Variants in INPP4B observed in about 807,000 individuals in gnomAD.
INPP4B encodes the protein inositol polyphosphate 4-phosphatase type II.
In INPP4B, 55 loss-of-function variants were observed where a neutral mutation model predicts 122.5. That is an observed-to-expected ratio of 0.45 (90% confidence interval 0.36 to 0.56). The LOEUF (loss-of-function observed/expected upper bound fraction) is 0.56, where lower values mean the gene tolerates loss of function less well. Among genes scored for constraint, INPP4B ranks in the 20% least tolerant of loss-of-function variants. The probability of loss-of-function intolerance (pLI) is 0.00; values close to 1 mark genes in which losing one functional copy is unlikely to be tolerated. For synonymous variants in INPP4B, 403 were observed against 388.7 expected (o/e 1.04, Z -0.43); for missense variants, 1,000 against 1,097.7 (o/e 0.91, Z 1.26).
rs1738755658 is a variant in INPP4B, at chr4:142,596,595, A to G, written c.-191+129244T>C. 2.0e-5 allele frequency among the ~76,000 whole-genome samples: 3 copies of G among 152,248 alleles called. No individual in the cohort carries two copies. In the South Asian group the frequency reaches 6.2e-4, roughly 31 times the overall value. ...GTTTTGGTCAATTTGTTATATAATA[A>G]GCGATAAACAATGTTTAAAATTGCA... On this transcript the variant is annotated intron_variant, in intron 2 of 25. Coordinates refer to ENST00000262992, the MANE Select transcript of INPP4B (RefSeq NM_001101669.3).
At chr4:142,235,181 A>G (rs2149916510) in intron 12 of INPP4B, among the ~76,000 whole-genome samples, 1 of 152,176 alleles carries the variant, frequency 6.6e-6, no homozygotes, top group Non-Finnish European at 1.5e-5. Flanking sequence ...CTCATCCTTT[A>G]AGAGGTTTCT....
chr4:142,269,514 C>G (rs1165199245), intron 10 of INPP4B, among the ~76,000 whole-genome samples: 1 of 152,030 alleles, frequency 6.6e-6, no homozygotes, highest in East Asian at 1.9e-4. Context: ...CTAAAAGATT[C>G]AAACTCATAG....
At chr4:142,366,484 A>C (rs1204974494) in intron 7 of INPP4B, among the ~76,000 whole-genome samples, 2 of 152,196 alleles carry the variant, frequency 1.3e-5, no homozygotes, top group African/African-American at 4.8e-5. Flanking sequence ...AGAATAACTA[A>C]GGTAAATCAC....
intron 7 of INPP4B, among the ~76,000 whole-genome samples, chr4:142,382,778 G>A (rs182948538): frequency 2.2e-4 from 33 of 150,184 alleles, no homozygotes; most frequent in African/African-American, 6.8e-4. Context: ...GGTGTCTTGG[G>A]CTGTCTAGAT....
intron 2 of INPP4B, among the ~76,000 whole-genome samples, chr4:142,568,267 G>A (rs1416436761): frequency 6.6e-6 from 1 of 151,646 alleles, no homozygotes; most frequent in African/African-American, 2.4e-5. Context: ...TTTTCAAGGT[G>A]TTTCCCAACT....
At chr4:142,078,320 C>T (rs1771960934) in intron 25 of INPP4B, among the ~76,000 whole-genome samples, 1 of 151,956 alleles carries the variant, frequency 6.6e-6, no homozygotes. Context: ...AAGACTCTTA[C>T]TTTCATATTC....
intron 2 of INPP4B, among the ~76,000 whole-genome samples, chr4:142,475,284 C>CAAAA (rs143134666): frequency 1.3e-5 from 2 of 150,434 alleles, no homozygotes; most frequent in Non-Finnish European, 3.0e-5. Flanking sequence ...AGCAAATAAA[C>CAAAA]AAAAAACCCC....
chr4:142,095,899 C>G (rs1781598514), intron 23 of INPP4B, among the ~76,000 whole-genome samples: 1 of 152,146 alleles, frequency 6.6e-6, no homozygotes, highest in African/African-American at 2.4e-5. Flanking sequence ...AACCATCTCT[C>G]TAATATTCAT....
chr4:142,785,428 T>A (rs1210260618), intron 1 of INPP4B, among the ~76,000 whole-genome samples: 2 of 151,850 alleles, frequency 1.3e-5, no homozygotes, highest in Admixed American at 1.3e-4. Flanking sequence ...AGGGCCTTAA[T>A]GAGAAAAGTA....
intron 25 of INPP4B, among the ~76,000 whole-genome samples, chr4:142,056,878 T>A (rs1757983864): frequency 1.3e-5 from 2 of 151,966 alleles, no homozygotes; most frequent in Admixed American, 6.6e-5. Flanking sequence ...GTGAAAAGAG[T>A]AAATTAGGGA....
At chr4:142,086,704 G>A (rs189509169) in intron 23 of INPP4B, among the ~76,000 whole-genome samples, 3 of 152,270 alleles carry the variant, frequency 2.0e-5, no homozygotes, top group Admixed American at 2.0e-4. Flanking sequence ...AAGGGTGTCT[G>A]AGGACAACCA....
chr4:142,592,959 C>G (rs922444287), intron 2 of INPP4B, among the ~76,000 whole-genome samples: 1 of 151,816 alleles, frequency 6.6e-6, no homozygotes, highest in Admixed American at 6.6e-5. Context: ...AAAAAATTAA[C>G]CAAGTGTGGT....
At chr4:142,801,803 T>C (rs1444854952) in intron 1 of INPP4B, among the ~76,000 whole-genome samples, 1 of 152,122 alleles carries the variant, frequency 6.6e-6, no homozygotes, top group Non-Finnish European at 1.5e-5. Flanking sequence ...TTGTTTGAGG[T>C]AGGAAATCCA....
chr4:142,494,330 A>G (rs1480468449), intron 2 of INPP4B, among the ~76,000 whole-genome samples: 2 of 152,134 alleles, frequency 1.3e-5, no homozygotes, highest in African/African-American at 2.4e-5. Flanking sequence ...TATGTTATAA[A>G]CACTATAGAT....
chr4:142,212,155 C>T (rs1241918120), intron 12 of INPP4B, among the ~76,000 whole-genome samples: 1 of 152,058 alleles, frequency 6.6e-6, no homozygotes, highest in African/African-American at 2.4e-5. Flanking sequence ...GAGTTGATAA[C>T]CCGATAGCAT....
intron 18 of INPP4B, among the ~76,000 whole-genome samples, chr4:142,143,708 C>G (rs1809074793): frequency 6.6e-6 from 1 of 151,946 alleles, no homozygotes; most frequent in Non-Finnish European, 1.5e-5. Context: ...GACAATCTAA[C>G]TTATGGGGAA....
intron 2 of INPP4B, among the ~76,000 whole-genome samples, chr4:142,627,930 T>A (rs1477444556): frequency 1.3e-5 from 2 of 151,918 alleles, no homozygotes; most frequent in Admixed American, 6.6e-5. Flanking sequence ...CAATTTCAGA[T>A]CCTGTTATTG....
At chr4:142,252,186 ATTTTTTTTTTTT>A (rs36065435) in intron 11 of INPP4B, among the ~76,000 whole-genome samples, 1 of 90,226 alleles carries the variant, frequency 1.1e-5, no homozygotes, top group African/African-American at 3.7e-5. Context: ...TATAGTAGTC[ATTTTTTTTTTTT>A]TTTTTTTTGA....
chr4:142,797,384 T>C (rs1000689004), intron 1 of INPP4B, among the ~76,000 whole-genome samples: 4 of 151,910 alleles, frequency 2.6e-5, no homozygotes, highest in Non-Finnish European at 5.9e-5. Context: ...CTTCCATAAA[T>C]GTCAGTCATG....
Sources: allele counts gnomAD v4.1 joint callset (sites outside exome capture counted in the v4.1 genomes callset), GRCh38; gene constraint gnomAD v4.1.1; transcripts MANE v1.5; gene names NCBI Gene and HGNC (gene_info 2026-07-23, HGNC 2026-07-21).